LCOR: variants seen among roughly 807,000 people sequenced by gnomAD.
LCOR encodes the protein ligand dependent nuclear receptor corepressor, also known as ligand-dependent corepressor.
LCOR carries 14 observed loss-of-function variants against 64.4 expected under a neutral mutation model. That is an observed-to-expected ratio of 0.22 (90% CI 0.14 to 0.34). The LOEUF is 0.34. LCOR is among the 10% of genes least tolerant of loss of function. LCOR has a pLI of 1.00. For missense variants in LCOR, 1,686 were observed against 1,765.3 expected (o/e 0.96, Z 0.80); for synonymous variants, 643 against 642.5 (o/e 1.00, Z -0.01).
At chr10:96,944,300 C>T (rs1328219418) in intron 5 of LCOR, 55 bp downstream of exon 5, 8 of 909,348 alleles carry the variant, frequency 8.8e-6, no homozygotes, top group African/African-American at 1.8e-5. Flanking sequence ...TTATTGATCT[C>T]CTTAATTTCA....
At chr10:96,862,896 T>C (rs75442634) in intron 2 of LCOR, among the ~76,000 whole-genome samples, 55 of 151,994 alleles carry the variant, frequency 3.6e-4, no homozygotes, top group African/African-American at 1.2e-3. Flanking sequence ...TTTTTTTTTT[T>C]TGAAACAGAG....
chr10:96,926,221 G>C (rs1347085336), intron 4 of LCOR, among the ~76,000 whole-genome samples: 1 of 152,138 alleles, frequency 6.6e-6, no homozygotes. Context: ...TTGGGCAGTA[G>C]CCTCCTTATC....
chr10:96,951,951 C>T (rs2134527450), intron 6 of LCOR, 152 bp from the exon 7 acceptor site: 1 of 575,700 alleles, frequency 1.7e-6, no homozygotes, highest in East Asian at 2.9e-5. Context: ...TATGTTGCTT[C>T]AGGATTTAAT....
intron 4 of LCOR, among the ~76,000 whole-genome samples, chr10:96,936,582 A>G (rs933091443): frequency 5.9e-5 from 9 of 152,220 alleles, no homozygotes; most frequent in Admixed American, 3.9e-4. Context: ...AGTGAACACA[A>G]TGTGTATGCC....
chr10:96,859,726 T>A (rs895483369), intron 2 of LCOR, among the ~76,000 whole-genome samples: 1 of 152,012 alleles, frequency 6.6e-6, no homozygotes, highest in Non-Finnish European at 1.5e-5. Context: ...CCTGGCTAAT[T>A]TTTTGTATTT....
rs555830054 is a variant in LCOR, at chr10:96,909,004, C to T, written c.-184+1257C>T. ...TGCTAGGATTACAGGCGTGAGCCAC[C>T]GCGCCCGGCCTTCTTCTGTCCTATA... On this transcript the variant is annotated intron_variant, in intron 4 of 7. Coordinates refer to ENST00000421806, the MANE Select transcript of LCOR (RefSeq NM_001346516.2). Among the ~76,000 whole-genome samples the T allele has an allele frequency of 5.6e-4, 86 of 152,300 alleles. 1 individual carries two copies. The highest frequency in any genetic ancestry group is 1.9e-3 in the African/African-American group (81 of 41,560).
intron 2 of LCOR, among the ~76,000 whole-genome samples, chr10:96,841,581 G>A (rs1262950179): frequency 2.6e-5 from 4 of 151,814 alleles, no homozygotes; most frequent in East Asian, 1.9e-4. Flanking sequence ...GGCTGGTCTC[G>A]AACTCCTGAC....
intron 4 of LCOR, among the ~76,000 whole-genome samples, chr10:96,925,169 G>A (rs1296890399): frequency 6.6e-6 from 1 of 151,940 alleles, no homozygotes; most frequent in East Asian, 1.9e-4. Flanking sequence ...TCCGCGTCCC[G>A]GGTTCAAGTG....
At position 96,982,784 on chromosome 10, in the gene LCOR, G is replaced by C; in HGVS notation, c.2324G>C (p.Gly775Ala). The change falls in exon 8 of 8, where the codon GGA becomes GCA. Residue 775 changes from glycine to alanine, a missense_variant. By Grantham distance (60) the Gly-to-Ala change is moderately conservative. Around this residue, in one of 3 missense-constraint regions of LCOR, gnomAD observed 1,293 missense variants for 1,410.4 expected, o/e 0.92. Coordinates refer to ENST00000421806, the MANE Select transcript of LCOR (RefSeq NM_001346516.2). ...EAAGGIGKLE[G>A]EDGDVKCLSE... is the part of the protein sequence containing the mutation. ...GCAGGTGGTATAGGAAAATTAGAGG[G>C]AGAGGACGGTGATGTAAAATGCCTG... The C allele has an allele frequency of 6.2e-7, 1 of 1,614,186 alleles. No individual in the cohort carries two copies. The highest frequency in any genetic ancestry group is 8.5e-7 in the Non-Finnish European group (1 of 1,180,032).
intron 2 of LCOR, among the ~76,000 whole-genome samples, chr10:96,841,809 A>G (rs1219625845): frequency 2.0e-5 from 3 of 151,860 alleles, no homozygotes; most frequent in Admixed American, 6.5e-5. Flanking sequence ...TATGCTGCCC[A>G]GGCTGGTCTC....
At chr10:96,956,399 G>C in intron 7 of LCOR, 1 of 985,050 alleles carries the variant, frequency 1.0e-6, no homozygotes, top group Non-Finnish European at 1.2e-6. Flanking sequence ...TTTCATCTAC[G>C]ATTCAACTAA....
intron 7 of LCOR, chr10:96,960,623 T>C (rs1446574019): frequency 6.6e-6 from 1 of 152,184 alleles, no homozygotes; most frequent in Non-Finnish European, 1.5e-5. Flanking sequence ...CTTGAAGATA[T>C]CAAAGATTGT....
At chr10:96,887,287 G>A (rs545841862) in intron 2 of LCOR, among the ~76,000 whole-genome samples, 108 of 152,268 alleles carry the variant, frequency 7.1e-4, no homozygotes, top group Non-Finnish European at 1.4e-3. Context: ...TACTACTTTG[G>A]CCGGGCATGG....
chr10:96,901,521 G>A (rs1846637465), intron 2 of LCOR, among the ~76,000 whole-genome samples: 1 of 152,114 alleles, frequency 6.6e-6, no homozygotes, highest in South Asian at 2.1e-4. Context: ...TGCTGCCCCA[G>A]TATTTCATGG....
chr10:96,958,921 A>AC (rs1484579717), intron 7 of LCOR: 4 of 152,148 alleles, frequency 2.6e-5, no homozygotes, highest in African/African-American at 7.3e-5. Flanking sequence ...AAAAAAAAAA[A>AC]AAAAAACAAA....
chr10:96,864,397 TGTTTAGATG>T (rs1268244809), intron 2 of LCOR, among the ~76,000 whole-genome samples: 1 of 152,212 alleles, frequency 6.6e-6, no homozygotes, highest in Non-Finnish European at 1.5e-5. Context: ...GGACAGTCTT[TGTTTAGATG>T]GTGTGGTTGG....
rs752013833 is a variant in LCOR, at chr10:96,984,850, G to T, written c.4390G>T (p.Ala1464Ser). 2.5e-6 allele frequency: 4 copies of T among 1,613,984 alleles called. No homozygotes were observed. Among genetic ancestry groups the T allele is most frequent in the Non-Finnish European group, 3.4e-6 (4 of 1,180,040 alleles). Residue 1464 changes from alanine (A) to serine (S), a missense_variant, in exon 8 of 8, where the codon GCT becomes TCT. Around this residue, in one of 3 missense-constraint regions of LCOR, gnomAD observed 1,293 missense variants for 1,410.4 expected, o/e 0.92. Transcript: ENST00000421806. Reference sequence around the variant, plus strand: ...TAAAGTGAAGATCCCTAAAAAGTCCGCTGGGAAGAGCTGCCCTCCCTCCAG... The same window carrying T: ...TAAAGTGAAGATCCCTAAAAAGTCCTCTGGGAAGAGCTGCCCTCCCTCCAG... Reference protein sequence around the residue: ...ENKVKIPKKSAGKSCPPSRKE... With the variant: ...ENKVKIPKKSSGKSCPPSRKE...
chr10:96,982,308 G>A lies in LCOR; in HGVS notation c.1848G>A (p.Leu616=), dbSNP rs751622893. 1 of 1,614,202 alleles carries A rather than the reference G, an allele frequency of 6.2e-7. No individual in the cohort carries two copies. The highest frequency in any genetic ancestry group is 8.5e-7 in the Non-Finnish European group (1 of 1,180,038). ...CAGAGGAAACGACAGCCTCCAGCCT[G>A]GTGTGGCCTCTCCCTGCTCACCTTC... ...PRSEETTASS[L]VWPLPAHLPE... is the part of the protein sequence containing the mutation. The change falls in exon 8 of 8, where the codon CTG becomes CTA. Residue 616 remains leucine, a synonymous_variant. Transcript: ENST00000421806.
intron 2 of LCOR, among the ~76,000 whole-genome samples, chr10:96,869,638 G>A (rs563315965): frequency 1.3e-5 from 2 of 149,732 alleles, no homozygotes; most frequent in East Asian, 3.9e-4. Context: ...GCAGTGGCAC[G>A]ATCTTTGCTC....
Sources: allele counts gnomAD v4.1 joint callset (sites outside exome capture counted in the v4.1 genomes callset), GRCh38; gene constraint gnomAD v4.1.1; regional missense constraint gnomAD v4.1.1; transcripts MANE v1.5; gene names NCBI Gene and HGNC (gene_info 2026-07-23, HGNC 2026-07-21).